MRPL47: variants seen among roughly 807,000 people sequenced by gnomAD.
The protein encoded by MRPL47 is large ribosomal subunit protein uL29m.
In MRPL47, 31 loss-of-function variants were observed where a neutral mutation model predicts 34.0. That is an observed-to-expected ratio of 0.91 (90% confidence interval 0.68 to 1.23). The LOEUF is 1.23. Ranked by LOEUF, MRPL47 falls within the 50% of genes most tolerant of loss-of-function variation. The probability of loss-of-function intolerance (pLI) is 0.00; values close to 1 mark genes in which losing one functional copy is unlikely to be tolerated. For missense variants in MRPL47, 328 were observed against 285.8 expected, an observed-to-expected ratio of 1.15 and a Z score of -1.07; for synonymous variants, 106 against 101.6, an observed-to-expected ratio of 1.04 and a Z score of -0.26.
At chr3:179,601,700 T>A in intron 3 of MRPL47, 30 bp downstream of exon 3, 2 of 1,377,324 alleles carry the variant, frequency 1.5e-6, no homozygotes. Context: ...GCTTCAAACG[T>A]CTAGATGTTA....
intron 4 of MRPL47, among the ~76,000 whole-genome samples, chr3:179,596,686 C>T (rs902514727): frequency 6.6e-6 from 1 of 152,152 alleles, no homozygotes; most frequent in African/African-American, 2.4e-5. Context: ...GGGTCTTGCT[C>T]GGTCACCCAG....
intron 6 of MRPL47, 115 bp downstream of exon 6, chr3:179,592,529 C>T (rs1718699362): frequency 1.5e-6 from 1 of 648,610 alleles, no homozygotes; most frequent in Admixed American, 2.9e-5. Context: ...TATGTAATAA[C>T]AGAAATTAAA....
At chr3:179,603,219 CG>C (rs1314944438) in intron 1 of MRPL47, among the ~76,000 whole-genome samples, 2 of 151,998 alleles carry the variant, frequency 1.3e-5, no homozygotes, top group Non-Finnish European at 2.9e-5. Context: ...TGGGTGCAAG[CG>C]CAGGTAAAAA....
At chr3:179,596,873 G>A (rs1373797306) in intron 4 of MRPL47, among the ~76,000 whole-genome samples, 1 of 152,152 alleles carries the variant, frequency 6.6e-6, no homozygotes, top group Non-Finnish European at 1.5e-5. Flanking sequence ...GGACACTTGG[G>A]ATAACTGACA....
At chr3:179,589,773 T>C (rs1029989856) in intron 6 of MRPL47, among the ~76,000 whole-genome samples, 1 of 152,084 alleles carries the variant, frequency 6.6e-6, no homozygotes, top group Non-Finnish European at 1.5e-5. Context: ...GTAAAAAATA[T>C]GCACATATAT....
chr3:179,594,650 T>C (rs1331286726), intron 4 of MRPL47, among the ~76,000 whole-genome samples: 1 of 151,734 alleles, frequency 6.6e-6, no homozygotes, highest in African/African-American at 2.4e-5. Context: ...ACCCGGCTAA[T>C]TTTTTGTATT....
intron 4 of MRPL47, among the ~76,000 whole-genome samples, chr3:179,597,624 T>C (rs6783120): frequency 0.09 from 13,625 of 152,004 alleles, 664 homozygotes; most frequent in South Asian, 0.17. Context: ...CTGGCCAACA[T>C]GGTAAAACCC....
Position 179,588,722 on chromosome 3 carries a change from A to T in MRPL47, c.*150T>A. On this transcript the variant is annotated 3_prime_UTR_variant, in exon 7 of 7. Coordinates refer to ENST00000476781, the MANE Select transcript of MRPL47 (RefSeq NM_020409.3). Reference sequence around the variant, plus strand: ...CAAATTAGCTTCTACCAAATTAGCTAATTAGCATGCCATATTCACACTTAG... The same window carrying T: ...CAAATTAGCTTCTACCAAATTAGCTTATTAGCATGCCATATTCACACTTAG... 3.1e-6 allele frequency: 2 copies of T among 643,924 alleles called. No individual in the cohort carries two copies. Among genetic ancestry groups the T allele is most frequent in the Non-Finnish European group, 5.0e-6 (2 of 396,842 alleles). The allele number at this position is 643,924 out of a possible 1,614,324, so 39.9% of individuals were successfully genotyped here. A position where few individuals can be genotyped will look rare whatever the true frequency, so the allele number is the denominator to read the frequency against.
At chr3:179,600,949 ACATTAAAAAT>A (rs1393040780) in intron 3 of MRPL47, among the ~76,000 whole-genome samples, 1 of 152,242 alleles carries the variant, frequency 6.6e-6, no homozygotes, top group African/African-American at 2.4e-5. Context: ...TACATATAGT[ACATTAAAAAT>A]GCAACCCTGT....
intron 1 of MRPL47, among the ~76,000 whole-genome samples, chr3:179,603,629 GAAGTTTCAACTGAAAA>G (rs1300411792): frequency 1.3e-5 from 2 of 152,146 alleles, no homozygotes; most frequent in African/African-American, 4.8e-5. Flanking sequence ...TCTGCATCTA[GAAGTTTCAACTGAAAA>G]AATTATTATA....
chr3:179,602,740 A>G lies in MRPL47; in HGVS notation c.156T>C (p.Tyr52=). 3.7e-6 allele frequency: 6 copies of G among 1,612,282 alleles called. No homozygotes were observed. Among genetic ancestry groups the G allele is most frequent in the East Asian group, 2.2e-5 (1 of 44,830 alleles). The change falls in exon 2 of 7, where the codon TAT becomes TAC. Residue 52 remains tyrosine, a synonymous_variant. Coordinates refer to ENST00000476781, the MANE Select transcript of MRPL47 (RefSeq NM_020409.3). ...TTGACAATGTGGTATGAAGTAATCT[A>G]TATTGGTGAAAGGATGTCACATTTG... is the stretch of plus-strand genomic sequence containing the variant. ...STPNVTSFHQ[Y]RLLHTTLSRK...
Position 179,588,933 on chromosome 3 carries a change from G to T in MRPL47, c.692C>A (p.Ala231Glu). ...ARKENLERKKAKILLKKFPHL... is the reference protein window; with the variant it reads ...ARKENLERKKEKILLKKFPHL... ...TGGAAACTTTTTTAAAAGAATTTTT[G>T]CTTTCTTTCTCTCTAAATTTTCCTT... Residue 231 changes from alanine (A) to glutamate (E), a missense_variant, in exon 7 of 7, where the codon GCA becomes GAA. By Grantham distance (107) the Ala-to-Glu change is moderately radical. Coordinates refer to ENST00000476781, the MANE Select transcript of MRPL47 (RefSeq NM_020409.3). 1.2e-6 allele frequency: 2 copies of T among 1,613,598 alleles called. No individual in the cohort carries two copies. Among genetic ancestry groups the T allele is most frequent in the Non-Finnish European group, 1.7e-6 (2 of 1,179,692 alleles).
intron 3 of MRPL47, among the ~76,000 whole-genome samples, chr3:179,601,296 T>C (rs1432817609): frequency 2.0e-5 from 3 of 152,068 alleles, no homozygotes; most frequent in African/African-American, 4.8e-5. Flanking sequence ...TGGTCCCAGA[T>C]ACTCAGGAGG....
chr3:179,593,919 A>G, intron 4 of MRPL47, 24 bp from the exon 5 acceptor site: 1 of 1,597,412 alleles, frequency 6.3e-7, no homozygotes. Flanking sequence ...AGAAAGATAC[A>G]ATTTCAACAA....
chr3:179,592,594 T>C, intron 6 of MRPL47, 50 bp downstream of exon 6: 2 of 1,141,556 alleles, frequency 1.8e-6, no homozygotes, highest in Non-Finnish European at 2.6e-6. Context: ...TATGACCATA[T>C]GTCATCTGGT....
intron 6 of MRPL47, among the ~76,000 whole-genome samples, chr3:179,590,478 T>C (rs1025674666): frequency 6.6e-6 from 1 of 152,162 alleles, no homozygotes; most frequent in African/African-American, 2.4e-5. Flanking sequence ...GCATCTCAAC[T>C]AGGTCTTAAA....
chr3:179,600,158 T>C (rs961063538), intron 3 of MRPL47, among the ~76,000 whole-genome samples: 3 of 151,996 alleles, frequency 2.0e-5, no homozygotes, highest in East Asian at 1.9e-4. Flanking sequence ...GGCATAACTT[T>C]AGTTGGTTGC....
chr3:179,603,093 T>C (rs550468940), intron 1 of MRPL47, among the ~76,000 whole-genome samples: 2 of 152,144 alleles, frequency 1.3e-5, no homozygotes, highest in Non-Finnish European at 2.9e-5. Context: ...TGAAAATGCT[T>C]TAGAAAGTAT....
At chr3:179,592,811 CA>C in intron 5 of MRPL47, 72 bp from the exon 6 acceptor site, 1 of 918,130 alleles carries the variant, frequency 1.1e-6, no homozygotes, top group Non-Finnish European at 1.7e-6. Context: ...TAATTTACCT[CA>C]AAAGGGTTAG....
Sources: allele counts gnomAD v4.1 joint callset (sites outside exome capture counted in the v4.1 genomes callset), GRCh38; gene constraint gnomAD v4.1.1; transcripts MANE v1.5; gene names NCBI Gene and HGNC (gene_info 2026-07-23, HGNC 2026-07-21).